REST: variants seen among roughly 807,000 people sequenced by gnomAD.
The protein encoded by REST is RE1-silencing transcription factor.
Under a neutral mutation model 30.4 loss-of-function variants are expected in REST, and 1 was observed. The observed-to-expected ratio is 0.03, with a 90% CI of 0.01 to 0.16. The LOEUF is 0.16. Among genes scored for constraint, REST ranks in the 10% least tolerant of loss-of-function variants. The pLI is 1.00. For synonymous variants in REST, 504 were observed against 451.1 expected, an observed-to-expected ratio of 1.12 and a Z score of -1.49; for missense variants, 1,259 against 1,329.5, an observed-to-expected ratio of 0.95 and a Z score of 0.82.
At position 56,930,999 on chromosome 4, in the gene REST, C is replaced by T. The variant is rs770664440; in HGVS notation, c.2141C>T (p.Ala714Val). 1 of 1,614,212 alleles carries T rather than the reference C, an allele frequency of 6.2e-7. No homozygotes were observed. The highest frequency in any genetic ancestry group is 1.1e-5 in the South Asian group (1 of 91,078). ...APMEPAQMEV[A>V]QVESAPMQVV... ...ATGGAACCTGCTCAGATGGAGGTTG[C>T]CCAGGTAGAATCTGCTCCCATGCAG... The change falls in exon 4 of 4, where the codon GCC becomes GTC. Residue 714 changes from alanine to valine, a missense_variant. Physicochemically the swap from Ala to Val is moderately conservative, Grantham distance 64 (BLOSUM62 0). Coordinates refer to ENST00000309042, the MANE Select transcript of REST (RefSeq NM_005612.5).
In REST at chr4:56,930,747, C is replaced by T. The variant is rs144905338; in HGVS notation, c.1889C>T (p.Pro630Leu). 7.8e-5 allele frequency: 125 copies of T among 1,600,224 alleles called. No individual in the cohort carries two copies. The highest frequency in any genetic ancestry group is 3.8e-4 in the African/African-American group (28 of 73,914). Residue 630 changes from proline to leucine, a missense_variant, in exon 4 of 4, where the codon CCG becomes CTG. By Grantham distance (98) the Pro-to-Leu change is moderately conservative (BLOSUM62 -3). Around this residue, in one of 5 missense-constraint regions of REST, gnomAD observed 856 missense variants for 772.8 expected, o/e 1.11. Transcript: ENST00000309042. ...CAGAAGGGGCCCGTTCAGGTGGAGCCGCCACCTCCCATGGAGCATGCTCAG... is the reference window on the plus strand; with the variant it reads ...CAGAAGGGGCCCGTTCAGGTGGAGCTGCCACCTCCCATGGAGCATGCTCAG... ...AVQKGPVQVE[P>L]PPPMEHAQME...
At position 56,931,097 on chromosome 4, in the gene REST, A is replaced by G; in HGVS notation, c.2239A>G (p.Ile747Val). 3 of 1,384,920 alleles carry G rather than the reference A, an allele frequency of 2.2e-6. No individual in the cohort carries two copies. Among genetic ancestry groups the G allele is most frequent in the Non-Finnish European group, 3.0e-6 (3 of 1,000,866 alleles). The allele number at this position is 1,384,920 out of a possible 1,614,324, so 85.8% of individuals were successfully genotyped here. A position where few individuals can be genotyped will look rare whatever the true frequency, so the allele number is the denominator to read the frequency against. Residue 747 changes from isoleucine to valine, a missense_variant, in exon 4 of 4, where the codon ATA becomes GTA. By Grantham distance (29) the Ile-to-Val change is conservative. Around this residue, in one of 5 missense-constraint regions of REST, gnomAD observed 856 missense variants for 772.8 expected, o/e 1.11. Transcript: ENST00000309042. ...MEVVQKEPVQ[I>V]ELSPPMEVVQ... ...GGTGGTCCAGAAGGAGCCTGTTCAG[A>G]TAGAGCTGTCTCCTCCCATGGAGGT...
chr4:56,924,628 T>C (rs554841045), intron 3 of REST, among the ~76,000 whole-genome samples: 133 of 151,966 alleles, frequency 8.8e-4, no homozygotes, highest in African/African-American at 3.1e-3. Flanking sequence ...TGTTTTTTTT[T>C]TTTCTTTCTT....
chr4:56,929,817 C>T, intron 3 of REST, 24 bp from the exon 4 acceptor site: 1 of 1,570,666 alleles, frequency 6.4e-7, no homozygotes, highest in Non-Finnish European at 8.6e-7. Context: ...TATGTCTTCT[C>T]TCATACTTTT....
chr4:56,921,066 A>G (rs1720426171), intron 3 of REST, among the ~76,000 whole-genome samples: 1 of 151,948 alleles, frequency 6.6e-6, no homozygotes. Context: ...GGGTTTCACC[A>G]TGTTGGTCAG....
intron 3 of REST, among the ~76,000 whole-genome samples, chr4:56,922,101 C>T (rs1720478475): frequency 6.6e-6 from 1 of 151,994 alleles, no homozygotes; most frequent in Non-Finnish European, 1.5e-5. Flanking sequence ...TGTTTTTTTC[C>T]TAAATCTAAG....
At position 56,919,839 on chromosome 4, in the gene REST, T is replaced by C. The variant is rs756491584; in HGVS notation, c.951T>C (p.Thr317=). Reference sequence around the variant, plus strand: ...GTCCTTACTCAAGTTCTCAGAAGACTCATCTAACTAGACATATGCGTACTC... The same window carrying C: ...GTCCTTACTCAAGTTCTCAGAAGACCCATCTAACTAGACATATGCGTACTC... ...ELCPYSSSQK[T]HLTRHMRTHS... The change falls in exon 3 of 4, where the codon ACT becomes ACC. Residue 317 remains threonine (T), a synonymous_variant. Transcript: ENST00000309042. 1 of 1,608,296 alleles carries C rather than the reference T, an allele frequency of 6.2e-7. No homozygotes were observed. The highest frequency in any genetic ancestry group is 1.1e-5 in the South Asian group (1 of 90,430).
chr4:56,910,357 A>G (rs903253237), intron 1 of REST, among the ~76,000 whole-genome samples: 2 of 152,222 alleles, frequency 1.3e-5, no homozygotes, highest in Non-Finnish European at 2.9e-5. Flanking sequence ...AGGAGGCACC[A>G]CATGCCAGTG....
At position 56,932,316 on chromosome 4, in the gene REST, G is replaced by A. The variant is rs1375816483; in HGVS notation, c.*164G>A. On this transcript the variant is annotated 3_prime_UTR_variant, in exon 4 of 4. Coordinates refer to ENST00000309042, the MANE Select transcript of REST (RefSeq NM_005612.5). Reference sequence around the variant, plus strand: ...GACTTTTTATGTATACCTGTTGATTGTTGTGTAAATTTTAGTAAATCTAAG... The same window carrying A: ...GACTTTTTATGTATACCTGTTGATTATTGTGTAAATTTTAGTAAATCTAAG... 20 of 705,730 alleles carry A rather than the reference G, an allele frequency of 2.8e-5. No homozygotes were observed. Among genetic ancestry groups the A allele is most frequent in the Non-Finnish European group, 4.1e-5 (18 of 443,402 alleles). The allele number at this position is 705,730 out of a possible 1,614,324, so 43.7% of individuals were successfully genotyped here.
intron 2 of REST, among the ~76,000 whole-genome samples, chr4:56,917,311 C>T (rs1025466162): frequency 6.6e-6 from 1 of 152,124 alleles, no homozygotes; most frequent in African/African-American, 2.4e-5. Flanking sequence ...CATCTATCAC[C>T]ATTCTTTTTG....
chr4:56,914,806 A>C (rs1160903920), intron 2 of REST, among the ~76,000 whole-genome samples: 2 of 151,470 alleles, frequency 1.3e-5, no homozygotes, highest in African/African-American at 4.9e-5. Context: ...TGCCCACCTC[A>C]GCCTCCTGAA....
intron 2 of REST, among the ~76,000 whole-genome samples, chr4:56,915,010 C>T (rs867422039): frequency 4.0e-5 from 6 of 149,330 alleles, no homozygotes; most frequent in Admixed American, 2.7e-4. Flanking sequence ...CTGCAACCTC[C>T]GCCTCCCAGG....
chr4:56,930,642 C>G lies in REST; in HGVS notation c.1784C>G (p.Pro595Arg), dbSNP rs1008600489. The G allele has an allele frequency of 2.5e-6, 4 of 1,613,512 alleles. No homozygotes were observed. Among genetic ancestry groups the G allele is most frequent in the Admixed American group, 1.7e-5 (1 of 60,006 alleles). Reference sequence around the variant, plus strand: ...AAATCAAGTAAGAAAAGCAGTAAGCCTCCTCAGAAGGAACCTGTTGAGAAG... The same window carrying G: ...AAATCAAGTAAGAAAAGCAGTAAGCGTCCTCAGAAGGAACCTGTTGAGAAG... ...KNKSSKKSSKPPQKEPVEKGS... is the reference protein window; with the variant it reads ...KNKSSKKSSKRPQKEPVEKGS... Residue 595 changes from proline (P) to arginine (R), a missense_variant, in exon 4 of 4, where the codon CCT becomes CGT. Transcript: ENST00000309042.
chr4:56,916,602 A>G lies in REST; in HGVS notation c.899-3185A>G, dbSNP rs28434764. 3.5e-3 allele frequency among the ~76,000 whole-genome samples: 532 copies of G among 152,302 alleles called. 5 individuals are homozygous for G. Among genetic ancestry groups the G allele is most frequent in the African/African-American group, 0.012 (498 of 41,570 alleles). ...CAGTGAGCCAAAATCGCGCCACTGC[A>G]CTCCAGCCTGGGCGACAGAGCGAGA... On this transcript the variant is annotated intron_variant, in intron 2 of 3. Transcript: ENST00000309042.
intron 2 of REST, among the ~76,000 whole-genome samples, chr4:56,911,843 C>T (rs1177710529): frequency 1.3e-5 from 2 of 152,168 alleles, no homozygotes; most frequent in Non-Finnish European, 2.9e-5. Flanking sequence ...GTTAGACTGG[C>T]CGTGCATGGT....
rs772749731 is a variant in REST, at chr4:56,935,530, A to G, written c.*3378A>G. 1.3e-5 allele frequency: 2 copies of G among 152,264 alleles called. No individual in the cohort carries two copies. The highest frequency in any genetic ancestry group is 4.8e-5 in the African/African-American group (2 of 41,472). 9.4% of individuals were successfully genotyped at this position (152,264 alleles called of 1,614,324 possible). On this transcript the variant is annotated 3_prime_UTR_variant, in exon 4 of 4. Transcript: ENST00000309042. ...GAACTTTCTAAACTGGCATTGAAAC[A>G]TTACAACAATGTTTTGTTGCACCAA...
intron 2 of REST, among the ~76,000 whole-genome samples, chr4:56,918,108 TAC>T (rs970784860): frequency 6.7e-6 from 1 of 150,368 alleles, no homozygotes; most frequent in Non-Finnish European, 1.5e-5. Flanking sequence ...AAAAAGAATA[TAC>T]GTTTCCTACC....
chr4:56,931,809 C>T lies in REST; in HGVS notation c.2951C>T (p.Ala984Val). 1.9e-6 allele frequency: 3 copies of T among 1,614,232 alleles called. No individual in the cohort carries two copies. Among genetic ancestry groups the T allele is most frequent in the South Asian group, 1.1e-5 (1 of 91,090 alleles). ...LPPSAVEERE[A>V]VSKTALASPP... ...CCTTCAGCAGTAGAAGAACGTGAAG[C>T]AGTGTCCAAAACTGCACTGGCATCA... is the stretch of plus-strand genomic sequence containing the variant. Residue 984 changes from alanine to valine, a missense_variant, in exon 4 of 4, where the codon GCA becomes GTA. Ala to Val is a moderately conservative substitution (Grantham distance 64). Transcript: ENST00000309042.
At position 56,933,565 on chromosome 4, in the gene REST, G is replaced by A. The variant is rs926763737; in HGVS notation, c.*1413G>A. Reference sequence around the variant, plus strand: ...ACTTTCTCAGGGATCTCCACAAACTGGTGGGTGTCCTGGCTGTCTGTGTGA... The same window carrying A: ...ACTTTCTCAGGGATCTCCACAAACTAGTGGGTGTCCTGGCTGTCTGTGTGA... On this transcript the variant is annotated 3_prime_UTR_variant, in exon 4 of 4. Coordinates refer to ENST00000309042, the MANE Select transcript of REST (RefSeq NM_005612.5). 4 of 152,162 alleles carry A rather than the reference G, an allele frequency of 2.6e-5. No individual in the cohort carries two copies. Among genetic ancestry groups the A allele is most frequent in the African/African-American group, 9.7e-5 (4 of 41,428 alleles). 9.4% of individuals were successfully genotyped at this position (152,162 alleles called of 1,614,324 possible). A position where few individuals can be genotyped will look rare whatever the true frequency, so the allele number is the denominator to read the frequency against.
Sources: allele counts gnomAD v4.1 joint callset (sites outside exome capture counted in the v4.1 genomes callset), GRCh38; gene constraint gnomAD v4.1.1; regional missense constraint gnomAD v4.1.1; transcripts MANE v1.5; gene names NCBI Gene and HGNC (gene_info 2026-07-23, HGNC 2026-07-21).